Variants in RPS6KA1 observed in about 807,000 individuals in gnomAD.
RPS6KA1 encodes the protein ribosomal protein S6 kinase alpha-1.
A neutral mutation model predicts 91.3 loss-of-function variants in RPS6KA1; 48 were observed. The observed-to-expected ratio is 0.53, with a 90% CI of 0.42 to 0.67. RPS6KA1 has a LOEUF of 0.67. RPS6KA1 is among the 30% of genes least tolerant of loss of function. The pLI is 0.00. For synonymous variants in RPS6KA1, 359 were observed against 384.7 expected, an observed-to-expected ratio of 0.93 and a Z score of 0.78; for missense variants, 719 against 960.5, an observed-to-expected ratio of 0.75 and a Z score of 3.32.
rs1253645919 is a variant in RPS6KA1, at chr1:26,558,136, C to T, written c.1085-671C>T. On this transcript the variant is annotated intron_variant, in intron 13 of 21. Transcript: ENST00000374168. This position sits in a 1 kb window ranked among gnomAD's most constrained non-coding sequence, Gnocchi z 4.0. The stretch of plus-strand genomic sequence containing the variant: ...ATGACAGAGACAGCACTTCTCCAAG[C>T]AGTCCGCTGGGCAACGTGACAAGTG... 1.3e-5 allele frequency among the ~76,000 whole-genome samples: 2 copies of T among 152,140 alleles called. No homozygotes were observed. The highest frequency in any genetic ancestry group is 4.8e-5 in the African/African-American group (2 of 41,434).
chr1:26,569,169 C>CAA (rs61293169), intron 17 of RPS6KA1, among the ~76,000 whole-genome samples: 1 of 139,868 alleles, frequency 7.1e-6, no homozygotes. Context: ...GACTCCATCT[C>CAA]AAAAAAAAAA....
chr1:26,543,397 G>A (rs1025990150), intron 2 of RPS6KA1, among the ~76,000 whole-genome samples: 2 of 152,216 alleles, frequency 1.3e-5, no homozygotes, highest in Non-Finnish European at 2.9e-5. Context: ...TCAGGGTGGG[G>A]TGTGCAGGTA....
At position 26,556,715 on chromosome 1, in the gene RPS6KA1, G is replaced by C; in HGVS notation, c.978G>C (p.Trp326Cys). The part of the protein sequence containing the change: ...KRHVFYSTID[W>C]NKLYRREIKP... ...ATGTCTTCTACTCCACCATTGACTG[G>C]AATGTGAGTGTGTCCACCCACACCA... Residue 326 changes from tryptophan (W) to cysteine (C), a missense_variant, in exon 12 of 22, where the codon TGG becomes TGC. Around this residue, in one of 5 missense-constraint regions of RPS6KA1, gnomAD observed 228 missense variants for 247.6 expected, o/e 0.92. Transcript: ENST00000374168. The C allele has an allele frequency of 6.2e-7, 1 of 1,614,174 alleles. No individual in the cohort carries two copies. The highest frequency in any genetic ancestry group is 8.5e-7 in the Non-Finnish European group (1 of 1,180,022).
chr1:26,570,847 G>A (rs1314939769), intron 17 of RPS6KA1, among the ~76,000 whole-genome samples: 4 of 152,234 alleles, frequency 2.6e-5, no homozygotes, highest in African/African-American at 9.6e-5. Context: ...ATAGGGCCAG[G>A]CGTGGTGGCT....
At position 26,553,264 on chromosome 1, in the gene RPS6KA1, T is replaced by TA. The variant is rs2076069149; in HGVS notation, c.469-126dup. On this transcript the variant is annotated intron_variant, in intron 6 of 21. Coordinates refer to ENST00000374168, the MANE Select transcript of RPS6KA1 (RefSeq NM_002953.4). ...AATCCTTTGTATGATGAGAAGGCTA[T>TA]ATGGCCTGGGGTTTCCAAGGGTCCT... The TA allele has an allele frequency of 4.9e-5, 31 of 627,972 alleles. 1 individual carries two copies. In the South Asian group the frequency reaches 5.8e-4, roughly 12 times the overall value. The allele number at this position is 627,972 out of a possible 1,614,324, so 38.9% of individuals were successfully genotyped here.
At position 26,571,688 on chromosome 1, in the gene RPS6KA1, T is replaced by G; in HGVS notation, c.1752+78T>G. The G allele has an allele frequency of 6.5e-7, 1 of 1,540,704 alleles. No homozygotes were observed. The highest frequency in any genetic ancestry group is 1.2e-5 in the South Asian group (1 of 83,962). On this transcript the variant is annotated intron_variant, in intron 18 of 21. Coordinates refer to ENST00000374168, the MANE Select transcript of RPS6KA1 (RefSeq NM_002953.4). The surrounding 1 kb of genome is among the most constrained non-coding windows in gnomAD (Gnocchi z 5.1). ...GTGCCCCCTCCCAGAGGCCCCACAT[T>G]AGCCGGGACTCCAGTCTCTGTGACC...
At chr1:26,553,545 T>C (rs2124639710) in intron 7 of RPS6KA1, 48 bp downstream of exon 7, 1 of 1,261,368 alleles carries the variant, frequency 7.9e-7, no homozygotes, top group Non-Finnish European at 1.2e-6. Flanking sequence ...GGGAGGCCTC[T>C]TCTAGGACAG....
At chr1:26,553,595 C>T (rs1302648215) in intron 7 of RPS6KA1, 98 bp downstream of exon 7, 4 of 694,354 alleles carry the variant, frequency 5.8e-6, no homozygotes, top group East Asian at 2.8e-5. Context: ...TCTCCAGAAA[C>T]GTCTCCCTCT....
intron 4 of RPS6KA1, among the ~76,000 whole-genome samples, chr1:26,550,215 A>C (rs1182697214): frequency 4.4e-5 from 4 of 90,144 alleles, no homozygotes; most frequent in South Asian, 6.7e-4. Context: ...GCAGAGTCTC[A>C]CTCTGTCACC....
At chr1:26,543,813 G>A (rs2075968956) in intron 2 of RPS6KA1, among the ~76,000 whole-genome samples, 1 of 152,178 alleles carries the variant, frequency 6.6e-6, no homozygotes, top group African/African-American at 2.4e-5. Context: ...GCCTTGGTGA[G>A]TCACTGTCTT....
intron 2 of RPS6KA1, among the ~76,000 whole-genome samples, chr1:26,538,779 T>C (rs2075925148): frequency 1.3e-5 from 2 of 152,254 alleles, no homozygotes; most frequent in Non-Finnish European, 1.5e-5. Context: ...GAGCACTGGC[T>C]TTCTGTGATT....
At position 26,542,997 on chromosome 1, in the gene RPS6KA1, C is replaced by T. The variant is rs1257424291; in HGVS notation, c.109-3870C>T. 7 of 687,008 alleles carry T rather than the reference C, an allele frequency of 1.0e-5. No homozygotes were observed. In the Middle Eastern group the frequency reaches 1.7e-3, roughly 168 times the overall value. 42.6% of individuals were successfully genotyped at this position (687,008 alleles called of 1,614,324 possible). ...TCATGGGCTTGGGGTCTGCAGTGTC[C>T]CCTCCTCTATAGAGGAGCCTGACCC... On this transcript the variant is annotated intron_variant, in intron 2 of 21. Transcript: ENST00000374168.
At position 26,554,273 on chromosome 1, in the gene RPS6KA1, C is replaced by G. The variant is rs889622049; in HGVS notation, c.613+22C>G. On this transcript the variant is annotated intron_variant, in intron 8 of 21. Coordinates refer to ENST00000374168, the MANE Select transcript of RPS6KA1 (RefSeq NM_002953.4). This position sits in a 1 kb window ranked among gnomAD's most constrained non-coding sequence, Gnocchi z 4.6. ...ACTGGTGAGTGGAGGGCGCCTGCCC[C>G]CTCGGGACCCAGGGGAGGACAGGAC... 1 of 1,555,582 alleles carries G rather than the reference C, an allele frequency of 6.4e-7. No individual in the cohort carries two copies. The highest frequency in any genetic ancestry group is 8.7e-7 in the Non-Finnish European group (1 of 1,149,114).
In RPS6KA1 at chr1:26,561,032, C is replaced by A; in HGVS notation, c.1342-13C>A. ...GTCACCCTGACACTGCCACATGCAC[C>A]CCCTTTCTTCAGGTCATTGATAAGA... is the stretch of plus-strand genomic sequence containing the variant. On this transcript the variant is annotated splice_polypyrimidine_tract_variant and intron_variant, in intron 15 of 21. Coordinates refer to ENST00000374168, the MANE Select transcript of RPS6KA1 (RefSeq NM_002953.4). The surrounding 1 kb of genome is among the most constrained non-coding windows in gnomAD (Gnocchi z 5.7). The A allele has an allele frequency of 1.2e-6, 2 of 1,612,590 alleles. No homozygotes were observed. The highest frequency in any genetic ancestry group is 4.5e-5 in the East Asian group (2 of 44,870).
At chr1:26,543,089 G>T in intron 2 of RPS6KA1, 1 of 1,490,524 alleles carries the variant, frequency 6.7e-7, no homozygotes, top group Non-Finnish European at 9.0e-7. Flanking sequence ...CCTGCCTTCT[G>T]GGCCAGGAAG....
chr1:26,551,444 G>A lies in RPS6KA1; in HGVS notation c.355G>A (p.Val119Ile). 1 of 1,614,190 alleles carries A rather than the reference G, an allele frequency of 6.2e-7. No individual in the cohort carries two copies. Among genetic ancestry groups the A allele is most frequent in the Non-Finnish European group, 8.5e-7 (1 of 1,180,022 alleles). Residue 119 changes from valine to isoleucine, a missense_variant, in exon 5 of 22, where the codon GTA (valine) becomes ATA (isoleucine). Physicochemically the swap from Val to Ile is conservative, Grantham distance 29. Transcript: ENST00000374168. The surrounding 1 kb of genome is among the most constrained non-coding windows in gnomAD (Gnocchi z 4.5). ...GATGGAGAGAGACATCCTGGCTGAT[G>A]TAAATCACCCATTCGTGGTGAAGCT... ...TKMERDILAD[V>I]NHPFVVKLHY...
intron 17 of RPS6KA1, among the ~76,000 whole-genome samples, chr1:26,569,731 A>C: frequency 6.6e-6 from 1 of 152,212 alleles, no homozygotes; most frequent in Non-Finnish European, 1.5e-5. Flanking sequence ...TCATTGCACA[A>C]AGTTCACTTA....
At chr1:26,559,484 A>G (rs902691751) in intron 14 of RPS6KA1, among the ~76,000 whole-genome samples, 2 of 151,804 alleles carry the variant, frequency 1.3e-5, no homozygotes, top group African/African-American at 4.8e-5. Flanking sequence ...CTCCTGCCTC[A>G]GTCTCCCGAA....
chr1:26,554,401 C>T lies in RPS6KA1; in HGVS notation c.613+150C>T. The T allele has an allele frequency of 3.6e-6, 4 of 1,112,174 alleles. No individual in the cohort carries two copies. Among genetic ancestry groups the T allele is most frequent in the Non-Finnish European group, 5.2e-6 (4 of 773,056 alleles). 68.9% of individuals were successfully genotyped at this position (1,112,174 alleles called of 1,614,324 possible). On this transcript the variant is annotated intron_variant, in intron 8 of 21. Coordinates refer to ENST00000374168, the MANE Select transcript of RPS6KA1 (RefSeq NM_002953.4). This position sits in a 1 kb window ranked among gnomAD's most constrained non-coding sequence, Gnocchi z 4.6. ...AAAAACTCAGGCCTCAGACTTGGAA[C>T]ACCCTCAGCTGGAATCCCAGCCCCT... is the stretch of plus-strand genomic sequence containing the variant.
Sources: allele counts gnomAD v4.1 joint callset (sites outside exome capture counted in the v4.1 genomes callset), GRCh38; gene constraint gnomAD v4.1.1; regional missense constraint gnomAD v4.1.1; non-coding constraint Gnocchi (gnomAD v3.1); transcripts MANE v1.5; gene names NCBI Gene and HGNC (gene_info 2026-07-23, HGNC 2026-07-21).